Variants in PRDM2 observed in about 807,000 individuals in gnomAD.
PRDM2 encodes PR domain zinc finger protein 2.
A neutral mutation model predicts 130.0 loss-of-function variants in PRDM2; 30 were observed. That is an observed-to-expected ratio of 0.23 (90% CI 0.17 to 0.31). The LOEUF (loss-of-function observed/expected upper bound fraction) is 0.31. PRDM2 is among the 10% of genes least tolerant of loss of function. The pLI, the probability that PRDM2 is intolerant of heterozygous loss-of-function variation, is 1.00. For synonymous variants in PRDM2, 871 were observed against 782.4 expected (o/e 1.11, Z -1.89); for missense variants, 2,011 against 2,108.4 (o/e 0.95, Z 0.90).
At chr1:13,816,957 G>C (rs1645267626) in intron 9 of PRDM2, among the ~76,000 whole-genome samples, 1 of 152,170 alleles carries the variant, frequency 6.6e-6, no homozygotes, top group African/African-American at 2.4e-5. Flanking sequence ...GTCATTATTG[G>C]AGTAATAATG....
At chr1:13,722,732 G>T in intron 2 of PRDM2, 1 of 429,242 alleles carries the variant, frequency 2.3e-6, no homozygotes, top group Non-Finnish European at 4.7e-6. Context: ...CTGGACAAGA[G>T]GAGGGGATGA....
At chr1:13,790,506 CCCAAGCCCCCTTGGGCCTTG>C (rs941358141) in intron 8 of PRDM2, among the ~76,000 whole-genome samples, 1 of 152,028 alleles carries the variant, frequency 6.6e-6, no homozygotes, top group Non-Finnish European at 1.5e-5. Flanking sequence ...GATTCCAAGG[CCCAAGCCCCCTTGGGCCTTG>C]CCCTTCTGGT....
chr1:13,724,365 A>G (rs1338749015), intron 2 of PRDM2, among the ~76,000 whole-genome samples: 1 of 152,212 alleles, frequency 6.6e-6, no homozygotes, highest in African/African-American at 2.4e-5. Flanking sequence ...CAAATGATAA[A>G]GACTCTTGTG....
chr1:13,718,966 C>G (rs1462155560), intron 2 of PRDM2, among the ~76,000 whole-genome samples: 1 of 152,142 alleles, frequency 6.6e-6, no homozygotes, highest in African/African-American at 2.4e-5. Flanking sequence ...TCATCGTGGA[C>G]AGACTGTATC....
chr1:13,749,278 C>T (rs1225178792), intron 5 of PRDM2, 83 bp from the exon 6 acceptor site: 2 of 1,249,284 alleles, frequency 1.6e-6, no homozygotes, highest in South Asian at 1.6e-5. Flanking sequence ...GCGCCGCTCC[C>T]GCCCGCGTCC....
At chr1:13,718,020 T>C (rs1302817824) in intron 2 of PRDM2, among the ~76,000 whole-genome samples, 1 of 152,226 alleles carries the variant, frequency 6.6e-6, no homozygotes, top group Admixed American at 6.5e-5. Context: ...ATCACCCCAG[T>C]CATTCTTCAG....
Position 13,779,400 on chromosome 1 carries a change from G to A in PRDM2, c.1605G>A (p.Gln535=). The change falls in exon 8 of 10, where the codon CAG becomes CAA. Residue 535 remains glutamine (Q), a synonymous_variant. Coordinates refer to ENST00000311066, the MANE Select transcript of PRDM2 (RefSeq NM_001393986.1). The surrounding 1 kb of genome is among the most constrained non-coding windows in gnomAD (Gnocchi z 4.9). ...CAGCAGAACAGGCCCAGGCCACCCA[G>A]AACGTGTATGTACCAAGCACAGAGC... is the stretch of plus-strand genomic sequence containing the variant. ...QPPAEQAQAT[Q]NVYVPSTEPE... 3.1e-6 allele frequency: 5 copies of A among 1,614,212 alleles called. No homozygotes were observed. Among genetic ancestry groups the A allele is most frequent in the Non-Finnish European group, 4.2e-6 (5 of 1,180,040 alleles).
chr1:13,807,851 G>A (rs1013324876), intron 8 of PRDM2, among the ~76,000 whole-genome samples: 11 of 152,312 alleles, frequency 7.2e-5, no homozygotes, highest in East Asian at 1.9e-4. Flanking sequence ...CCCAGGAGAC[G>A]ATGCTCTGAG....
chr1:13,809,260 G>A (rs937439913), intron 8 of PRDM2, among the ~76,000 whole-genome samples: 2 of 152,194 alleles, frequency 1.3e-5, no homozygotes, highest in African/African-American at 4.8e-5. Context: ...TGGGAAGACC[G>A]TCACACTTCT....
intron 8 of PRDM2, among the ~76,000 whole-genome samples, chr1:13,802,386 G>T (rs1319942812): frequency 6.6e-6 from 1 of 152,172 alleles, no homozygotes; most frequent in East Asian, 1.9e-4. Flanking sequence ...ATCGAGGCAG[G>T]AGCAGAGGGC....
At chr1:13,776,744 C>T (rs1479053206) in intron 7 of PRDM2, among the ~76,000 whole-genome samples, 1 of 152,200 alleles carries the variant, frequency 6.6e-6, no homozygotes, top group Non-Finnish European at 1.5e-5. Context: ...CTCCTTGAAG[C>T]AGTTTCTTTA....
intron 8 of PRDM2, among the ~76,000 whole-genome samples, chr1:13,790,831 T>TC (rs1309051954): frequency 4.6e-5 from 7 of 151,896 alleles, no homozygotes; most frequent in East Asian, 3.9e-4. Context: ...ACTTCCTCCC[T>TC]CCCCCCCTTC....
intron 9 of PRDM2, among the ~76,000 whole-genome samples, chr1:13,818,146 C>A (rs1645287618): frequency 1.3e-5 from 2 of 152,170 alleles, no homozygotes; most frequent in Admixed American, 1.3e-4. Flanking sequence ...GACCAGGGAA[C>A]CTGCATTAGC....
intron 6 of PRDM2, among the ~76,000 whole-genome samples, chr1:13,762,689 A>C (rs1286617585): frequency 6.6e-6 from 1 of 152,230 alleles, no homozygotes; most frequent in Non-Finnish European, 1.5e-5. Flanking sequence ...ACCAGCACCA[A>C]GGAAGATTGT....
chr1:13,749,453 C>T lies in PRDM2; in HGVS notation c.477C>T (p.Ala159=), dbSNP rs1412955214. 2.0e-6 allele frequency: 3 copies of T among 1,507,616 alleles called. No homozygotes were observed. The East Asian group carries it at 8.3e-5, about 42-fold the overall frequency. The allele number at this position is 1,507,616 out of a possible 1,614,324, so 93.4% of individuals were successfully genotyped here. A position where few individuals can be genotyped will look rare whatever the true frequency, so the allele number is the denominator to read the frequency against. ...CGATTGAGGAAGAGCGAGCCAGCGC[C>T]CGGAGCAAGCGGAGCTCCCCCAAGA... is the stretch of plus-strand genomic sequence containing the variant. ...AAAIEEERAS[A]RSKRSSPKSR... is the part of the protein sequence containing the mutation. The change falls in exon 6 of 10, where the codon GCC becomes GCT. Residue 159 remains alanine (A), a synonymous_variant. Transcript: ENST00000311066.
rs563693833 is a variant in PRDM2 at position 13,824,218 on chromosome 1, G to A, written c.*1083G>A. 3.3e-5 allele frequency: 5 copies of A among 152,672 alleles called. No individual in the cohort carries two copies. Among genetic ancestry groups the A allele is most frequent in the African/African-American group, 1.2e-4 (5 of 41,522 alleles). 9.5% of individuals were successfully genotyped at this position (152,672 alleles called of 1,614,324 possible). ...TTTTGTGCCTTTGGGGCAGACCCCA[G>A]GCAAGGATGTCTGAGACCACTTGGG... On this transcript the variant is annotated 3_prime_UTR_variant, in exon 10 of 10. Coordinates refer to ENST00000311066, the MANE Select transcript of PRDM2 (RefSeq NM_001393986.1).
rs939465724 is a variant in PRDM2, at chr1:13,818,182, G to A, written c.*23+1612G>A. On this transcript the variant is annotated intron_variant, in intron 9 of 9. Transcript: ENST00000311066. ...AGATGGCCCCCTGGTTCTGGGACAC[G>A]CGTAGGTTTGGGAATGTGTGCTTAA... Among the ~76,000 whole-genome samples the A allele has an allele frequency of 5.9e-5, 9 of 152,174 alleles. 1 individual carries two copies. The East Asian group carries it at 1.2e-3, about 20-fold the overall frequency.
At position 13,780,880 on chromosome 1, in the gene PRDM2, C is replaced by T. The variant is rs781419825; in HGVS notation, c.3085C>T (p.Pro1029Ser). 2 of 1,612,932 alleles carry T rather than the reference C, an allele frequency of 1.2e-6. No individual in the cohort carries two copies. The highest frequency in any genetic ancestry group is 2.2e-5 in the East Asian group (1 of 44,836). Reference protein sequence around the residue: ...PLPILSPTVSPSPSPIPPVEP... With the variant: ...PLPILSPTVSSSPSPIPPVEP... ...TCCAATTCTGTCCCCAACAGTGTCC[C>T]CCTCTCCCTCTCCCATTCCTCCCGT... The change falls in exon 8 of 10, where the codon CCC becomes TCC. Residue 1029 changes from proline (P) to serine (S), a missense_variant. By Grantham distance (74) the Pro-to-Ser change is moderately conservative. This residue lies in a region of PRDM2 where 1,288 missense variants were observed against 1,237.7 expected (regional missense o/e 1.04). Coordinates refer to ENST00000311066, the MANE Select transcript of PRDM2 (RefSeq NM_001393986.1).
In PRDM2 at chr1:13,771,469, T is replaced by C. The variant is rs1379729290; in HGVS notation, c.512-1609T>C. ...TATGTAGGCCGGGCACGGTGGCTCA[T>C]GCCTGTAATCCCAGCACTCTGGGAG... On this transcript the variant is annotated intron_variant, in intron 6 of 9. Transcript: ENST00000311066. The surrounding 1 kb of genome is among the most constrained non-coding windows in gnomAD (Gnocchi z 4.1). Among the ~76,000 whole-genome samples the C allele has an allele frequency of 2.6e-5, 4 of 152,240 alleles. No individual in the cohort carries two copies. Among genetic ancestry groups the C allele is most frequent in the African/African-American group, 4.8e-5 (2 of 41,456 alleles).
Sources: gnomAD v4.1 joint callset for allele counts (sites outside exome capture counted in the v4.1 genomes callset) on GRCh38, gnomAD v4.1.1 for gene constraint, gnomAD v4.1.1 regional missense constraint, Gnocchi (gnomAD v3.1) non-coding constraint, MANE v1.5 for transcripts, NCBI Gene and HGNC (gene_info 2026-07-23, HGNC 2026-07-21) for gene names.